Variants in DCAF13 observed in about 807,000 individuals in gnomAD.
The protein encoded by DCAF13 is DDB1 and CUL4 associated factor 13.
DCAF13 carries 38 observed loss-of-function variants against 59.0 expected under a neutral mutation model. That is an observed-to-expected ratio of 0.64 (90% CI 0.50 to 0.84). DCAF13 has a LOEUF of 0.84. Among genes scored for constraint, DCAF13 ranks in the 40% least tolerant of loss-of-function variants. The probability of loss-of-function intolerance (pLI) is 0.00; values close to 1 mark genes in which losing one functional copy is unlikely to be tolerated. For missense variants in DCAF13, 469 were observed against 558.4 expected (o/e 0.84, Z 1.61); for synonymous variants, 173 against 175.0 (o/e 0.99, Z 0.09).
intron 1 of DCAF13, among the ~76,000 whole-genome samples, chr8:103,419,899 C>T (rs933779902): frequency 2.2e-4 from 34 of 151,724 alleles, no homozygotes; most frequent in Non-Finnish European, 2.6e-4. Context: ...ATCCCAGCTA[C>T]TCGGGTGGCT....
At chr8:103,422,015 T>C (rs1244569230) in intron 3 of DCAF13, among the ~76,000 whole-genome samples, 1 of 152,204 alleles carries the variant, frequency 6.6e-6, no homozygotes, top group Non-Finnish European at 1.5e-5. Context: ...GTTAAGTAAT[T>C]TGACAGCAGT....
intron 5 of DCAF13, chr8:103,428,658 C>T (rs1310040217): frequency 1.3e-5 from 2 of 151,840 alleles, no homozygotes. Flanking sequence ...CATATGTGAA[C>T]ATTTTTTAAA....
chr8:103,420,324 C>G lies in DCAF13; in HGVS notation c.131C>G (p.Ala44Gly). The G allele has an allele frequency of 6.2e-7, 1 of 1,614,164 alleles. No homozygotes were observed. Among genetic ancestry groups the G allele is most frequent in the Non-Finnish European group, 8.5e-7 (1 of 1,180,018 alleles). The change falls in exon 2 of 11, where the codon GCT becomes GGT. Residue 44 changes from alanine (A) to glycine (G), a missense_variant. Around this residue, in one of 3 missense-constraint regions of DCAF13, gnomAD observed 355 missense variants for 399.1 expected, o/e 0.89. Transcript: ENST00000612750. ...GAGGTCCCACGAGAATATATAAGAG[C>G]TTTAAATGCTACCAAACTGGAACGA... is the stretch of plus-strand genomic sequence containing the variant. ...PFEVPREYIR[A>G]LNATKLERVF...
intron 1 of DCAF13, among the ~76,000 whole-genome samples, chr8:103,419,882 G>A (rs1226016435): frequency 1.3e-5 from 2 of 151,954 alleles, no homozygotes; most frequent in African/African-American, 4.8e-5. Flanking sequence ...GGTGGCATGC[G>A]CCTGTAATCC....
chr8:103,432,574 TA>T, intron 6 of DCAF13, 84 bp from the exon 7 acceptor site: 1 of 778,186 alleles, frequency 1.3e-6, no homozygotes, highest in East Asian at 2.5e-5. Context: ...TTACACATAA[TA>T]GGTGTTTATG....
chr8:103,427,070 A>G, intron 4 of DCAF13, 27 bp from the exon 5 acceptor site: 1 of 1,554,146 alleles, frequency 6.4e-7, no homozygotes, highest in Non-Finnish European at 8.6e-7. Context: ...AATGAAAAAA[A>G]TCCTCTTAAC....
intron 5 of DCAF13, chr8:103,429,014 A>T (rs1205463578): frequency 6.6e-6 from 1 of 152,154 alleles, no homozygotes; most frequent in Non-Finnish European, 1.5e-5. Flanking sequence ...GTTGCTGTGA[A>T]CAAATGGAGT....
chr8:103,442,789 T>A lies in DCAF13; in HGVS notation c.1251-6T>A. The A allele has an allele frequency of 6.4e-7, 1 of 1,561,086 alleles. No individual in the cohort carries two copies. The highest frequency in any genetic ancestry group is 1.2e-5 in the South Asian group (1 of 81,276). ...CTTGCTTATATTTTGTATATTTTAT[T>A]TCTAGGGAAGTGAATCGTATTAAAC... On this transcript the variant is annotated splice_region_variant and splice_polypyrimidine_tract_variant and intron_variant, in intron 10 of 10. Coordinates refer to ENST00000612750, the MANE Select transcript of DCAF13 (RefSeq NM_015420.7).
Position 103,420,471 on chromosome 8 carries a change from T to TC in DCAF13, c.270+9dup. Reference sequence around the variant, plus strand: ...GGGGCGTGTGATGGAGAGGCAAGTGTCAATCTAGATGATATTTTCAACTAA... The same window carrying TC: ...GGGGCGTGTGATGGAGAGGCAAGTGTCCAATCTAGATGATATTTTCAACTAA... On this transcript the variant is annotated intron_variant, in intron 2 of 10. Transcript: ENST00000612750. The TC allele has an allele frequency of 6.2e-7, 1 of 1,610,360 alleles. No homozygotes were observed.
chr8:103,420,547 T>A (rs1398797702), intron 2 of DCAF13, 84 bp downstream of exon 2: 111 of 1,387,986 alleles, frequency 8.0e-5, no homozygotes, highest in Non-Finnish European at 1.2e-5. Context: ...TACTGTAGGT[T>A]TTACTTTATT....
intron 8 of DCAF13, 77 bp downstream of exon 8, chr8:103,435,867 G>A (rs1172653980): frequency 6.9e-7 from 1 of 1,446,288 alleles, no homozygotes; most frequent in African/African-American, 1.4e-5. Context: ...ATGAGTCATT[G>A]GGCGATTTCA....
rs1816595609 is a variant in DCAF13, at chr8:103,415,496, C to G, written c.50C>G (p.Thr17Ser). ...AATCCGGACAATTATGTCCGCGAAA[C>G]CAAGTTGGACTTACAGAGAGGTAAG... Reference protein sequence around the residue: ...SRNPDNYVRETKLDLQRVPRN... With the variant: ...SRNPDNYVRESKLDLQRVPRN... The change falls in exon 1 of 11, where the codon ACC (threonine) becomes AGC (serine). Residue 17 changes from threonine to serine, a missense_variant. Thr to Ser is a moderately conservative substitution (Grantham distance 58). This residue lies in a region of DCAF13 where 355 missense variants were observed against 399.1 expected (regional missense o/e 0.89). Transcript: ENST00000612750. The G allele has an allele frequency of 2.5e-6, 4 of 1,611,768 alleles. No homozygotes were observed. The African/African-American group carries it at 5.3e-5, about 21-fold the overall frequency.
At chr8:103,441,705 A>G in intron 10 of DCAF13, 87 bp downstream of exon 10, 1 of 1,267,318 alleles carries the variant, frequency 7.9e-7, no homozygotes, top group Non-Finnish European at 1.1e-6. Context: ...CATTCAAGGG[A>G]GTAGTTTATG....
At chr8:103,438,421 ATT>A (rs35866941) in intron 8 of DCAF13, among the ~76,000 whole-genome samples, 8 of 140,694 alleles carry the variant, frequency 5.7e-5, no homozygotes, top group African/African-American at 7.8e-5. Flanking sequence ...TAGTCGAGAG[ATT>A]TTTTTTTTTT....
intron 3 of DCAF13, among the ~76,000 whole-genome samples, chr8:103,421,818 A>G (rs1214423101): frequency 6.6e-6 from 1 of 152,242 alleles, no homozygotes; most frequent in African/African-American, 2.4e-5. Context: ...TTTTATGGCT[A>G]AATAACATTC....
chr8:103,416,076 T>C (rs1158131037), intron 1 of DCAF13, among the ~76,000 whole-genome samples: 4 of 152,222 alleles, frequency 2.6e-5, no homozygotes, highest in Admixed American at 2.0e-4. Flanking sequence ...AATTGTACTT[T>C]GTGATACCTA....
chr8:103,433,587 G>C (rs1455817125), intron 7 of DCAF13, among the ~76,000 whole-genome samples: 2 of 152,012 alleles, frequency 1.3e-5, no homozygotes, highest in Admixed American at 6.6e-5. Context: ...CAAAAAAGTA[G>C]TAGTGTTAGC....
chr8:103,435,907 TAAAC>T lies in DCAF13; in HGVS notation c.950+121_950+124del, dbSNP rs1422926150. On this transcript the variant is annotated intron_variant, in intron 8 of 10. Coordinates refer to ENST00000612750, the MANE Select transcript of DCAF13 (RefSeq NM_015420.7). Reference sequence around the variant, plus strand: ...TGTGTGAACATCATCAGAGTGCACTTAAACAAAACTAGATGGTATAACGTGTTGC... The same window carrying T: ...TGTGTGAACATCATCAGAGTGCACTTAAAACTAGATGGTATAACGTGTTGC... The T allele has an allele frequency of 2.2e-4, 222 of 1,011,682 alleles. No individual in the cohort carries two copies. In the South Asian group the frequency reaches 2.9e-3, roughly 13 times the overall value. 62.7% of individuals were successfully genotyped at this position (1,011,682 alleles called of 1,614,324 possible).
intron 4 of DCAF13, among the ~76,000 whole-genome samples, chr8:103,426,574 T>C (rs551973994): frequency 6.6e-6 from 1 of 152,194 alleles, no homozygotes; most frequent in African/African-American, 2.4e-5. Context: ...ATAAATCTTA[T>C]TAATGTTTCT....
Sources: gnomAD v4.1 joint callset for allele counts (sites outside exome capture counted in the v4.1 genomes callset) on GRCh38, gnomAD v4.1.1 for gene constraint, gnomAD v4.1.1 regional missense constraint, MANE v1.5 for transcripts, NCBI Gene and HGNC (gene_info 2026-07-23, HGNC 2026-07-21) for gene names.